Variants in IL19 observed in about 807,000 individuals in gnomAD.
The protein encoded by IL19 is interleukin-19.
Under a neutral mutation model 19.5 loss-of-function variants are expected in IL19, and 15 were observed. The observed-to-expected ratio is 0.77, with a 90% CI of 0.52 to 1.19. IL19 has a LOEUF of 1.19. Among genes scored for constraint, IL19 ranks in the 50% most tolerant of loss-of-function variants. IL19 has a pLI of 0.00. For missense variants in IL19, 199 were observed against 213.1 expected, an observed-to-expected ratio of 0.93 and a Z score of 0.41; for synonymous variants, 78 against 78.3, an observed-to-expected ratio of 1.00 and a Z score of 0.02.
intron 2 of IL19, chr1:206,834,223 A>G: frequency 1.0e-6 from 1 of 985,102 alleles, no homozygotes; most frequent in Non-Finnish European, 1.2e-6. Flanking sequence ...GAAAACAATT[A>G]AGGAAATACA....
chr1:206,821,498 G>A (rs1390824406), intron 2 of IL19, among the ~76,000 whole-genome samples: 1 of 152,172 alleles, frequency 6.6e-6, no homozygotes, highest in East Asian at 1.9e-4. Flanking sequence ...TCTTTAACAG[G>A]GACCTTGGAC....
At chr1:206,817,837 C>T (rs1676198526) in intron 2 of IL19, among the ~76,000 whole-genome samples, 1 of 151,612 alleles carries the variant, frequency 6.6e-6, no homozygotes, top group Non-Finnish European at 1.5e-5. Flanking sequence ...AATCTTGTCT[C>T]ACTGCAACCT....
chr1:206,787,498 C>T (rs1048820680), intron 1 of IL19, among the ~76,000 whole-genome samples: 3 of 152,200 alleles, frequency 2.0e-5, no homozygotes, highest in Admixed American at 1.3e-4. Flanking sequence ...ATATTTTGCT[C>T]ATTTTGACTA....
intron 2 of IL19, among the ~76,000 whole-genome samples, chr1:206,806,009 A>G (rs1029680535): frequency 6.6e-6 from 1 of 152,224 alleles, no homozygotes; most frequent in Non-Finnish European, 1.5e-5. Flanking sequence ...GGTGACATTC[A>G]GTATCTCCAG....
At chr1:206,822,841 G>A (rs940783065) in intron 2 of IL19, among the ~76,000 whole-genome samples, 3 of 152,186 alleles carry the variant, frequency 2.0e-5, no homozygotes, top group Admixed American at 1.3e-4. Flanking sequence ...GAATGAATGT[G>A]TAAGTGACCA....
intron 2 of IL19, among the ~76,000 whole-genome samples, chr1:206,821,116 C>G (rs1459537477): frequency 6.6e-6 from 1 of 152,246 alleles, no homozygotes; most frequent in Non-Finnish European, 1.5e-5. Context: ...AGATCCTCAG[C>G]TCTTCAGGGG....
intron 1 of IL19, among the ~76,000 whole-genome samples, chr1:206,787,934 C>G (rs1242786481): frequency 6.6e-6 from 1 of 152,180 alleles, no homozygotes; most frequent in Non-Finnish European, 1.5e-5. Context: ...CATCAGGTCT[C>G]GCTTTCCTTT....
intron 1 of IL19, among the ~76,000 whole-genome samples, chr1:206,783,094 G>A (rs887879351): frequency 2.0e-5 from 3 of 152,172 alleles, no homozygotes; most frequent in Admixed American, 6.5e-5. Context: ...GGTGAACTTA[G>A]AAATCATTTT....
At chr1:206,782,310 A>G (rs1675166543) in intron 1 of IL19, among the ~76,000 whole-genome samples, 1 of 152,096 alleles carries the variant, frequency 6.6e-6, no homozygotes, top group Non-Finnish European at 1.5e-5. Flanking sequence ...CTGCTCTTAC[A>G]TGCGGTCTGT....
At chr1:206,783,201 T>C (rs1334040762) in intron 1 of IL19, among the ~76,000 whole-genome samples, 1 of 152,022 alleles carries the variant, frequency 6.6e-6, no homozygotes, top group Non-Finnish European at 1.5e-5. Context: ...AGACCATCTA[T>C]AGAAGGAGGG....
chr1:206,781,211 C>T (rs1046776099), intron 1 of IL19, among the ~76,000 whole-genome samples: 12 of 151,622 alleles, frequency 7.9e-5, no homozygotes, highest in African/African-American at 1.9e-4. Flanking sequence ...TTTGGGAGGC[C>T]GAGATGGGCG....
At position 206,828,284 on chromosome 1, in the gene IL19, A is replaced by G. The variant is rs181792158; in HGVS notation, c.-2-8377A>G. On this transcript the variant is annotated intron_variant, in intron 2 of 6. Transcript: ENST00000659997. Reference sequence around the variant, plus strand: ...ATGAGCAGACTCAAGTTGAAGGATTAATGGTCACTAGAGCACCAACAGCCC... The same window carrying G: ...ATGAGCAGACTCAAGTTGAAGGATTGATGGTCACTAGAGCACCAACAGCCC... 1.3e-3 allele frequency among the ~76,000 whole-genome samples: 204 copies of G among 152,322 alleles called. 1 individual carries two copies. The highest frequency in any genetic ancestry group is 2.4e-3 in the Non-Finnish European group (160 of 68,020).
chr1:206,771,126 C>T, intron 1 of IL19, 48 bp downstream of exon 1: 7 of 1,544,116 alleles, frequency 4.5e-6, no homozygotes, highest in Non-Finnish European at 6.3e-6. Flanking sequence ...GCTGCTGCAA[C>T]TAGCTTAAGA....
chr1:206,813,014 G>A (rs1013348867), intron 2 of IL19, among the ~76,000 whole-genome samples: 3 of 152,174 alleles, frequency 2.0e-5, no homozygotes, highest in African/African-American at 7.2e-5. Context: ...TGTTTTATAT[G>A]CTGAATAGTT....
intron 1 of IL19, among the ~76,000 whole-genome samples, chr1:206,786,548 T>TCA (rs1452160617): frequency 1.3e-5 from 2 of 152,166 alleles, no homozygotes; most frequent in Non-Finnish European, 2.9e-5. Context: ...GGCTGCTGTT[T>TCA]CATTTCAGGT....
intron 2 of IL19, among the ~76,000 whole-genome samples, chr1:206,826,425 G>A (rs1025950994): frequency 3.9e-5 from 6 of 152,172 alleles, no homozygotes; most frequent in African/African-American, 1.4e-4. Context: ...GGTAGTAGGG[G>A]AGAGGGCAGC....
rs2102475248 is a variant in IL19 at position 206,822,393 on chromosome 1, T to C, written c.-2-14268T>C. Among the ~76,000 whole-genome samples, 2 of 152,256 alleles carry C rather than the reference T, an allele frequency of 1.3e-5. 1 individual carries two copies. Among genetic ancestry groups the C allele is most frequent in the South Asian group, 4.1e-4 (2 of 4,820 alleles). On this transcript the variant is annotated intron_variant, in intron 2 of 6. Coordinates refer to ENST00000659997, the MANE Select transcript of IL19 (RefSeq NM_153758.5). ...GGAGGAAAGAATGGGGTTGAGATGTTCTACTTGTGCTCCTCTTCCATGTCT... is the reference window on the plus strand; with the variant it reads ...GGAGGAAAGAATGGGGTTGAGATGTCCTACTTGTGCTCCTCTTCCATGTCT...
At chr1:206,804,238 T>G (rs1025699202) in intron 2 of IL19, among the ~76,000 whole-genome samples, 7 of 152,298 alleles carry the variant, frequency 4.6e-5, no homozygotes, top group African/African-American at 1.7e-4. Context: ...ACCCAGGTCT[T>G]GAAAGTCATG....
chr1:206,814,684 A>G (rs1676102321), intron 2 of IL19, among the ~76,000 whole-genome samples: 1 of 125,496 alleles, frequency 8.0e-6, no homozygotes, highest in African/African-American at 3.2e-5. Context: ...ACAGAGTGAA[A>G]CTCTGTCACA....
Sources: gnomAD v4.1 joint callset for allele counts (sites outside exome capture counted in the v4.1 genomes callset) on GRCh38, gnomAD v4.1.1 for gene constraint, MANE v1.5 for transcripts, NCBI Gene and HGNC (gene_info 2026-07-23, HGNC 2026-07-21) for gene names.